PMEPA1: variants seen among roughly 807,000 people sequenced by gnomAD.
The protein encoded by PMEPA1 is prostate transmembrane protein, androgen induced 1.
A neutral mutation model predicts 23.0 loss-of-function variants in PMEPA1; 11 were observed. That is an observed-to-expected ratio of 0.48 (90% CI 0.30 to 0.79). The LOEUF (loss-of-function observed/expected upper bound fraction) is 0.79. Ranked by LOEUF, PMEPA1 falls within the 30% of genes least tolerant of loss-of-function variation. The probability of loss-of-function intolerance (pLI) is 0.06; values close to 1 mark genes in which losing one functional copy is unlikely to be tolerated. For synonymous variants in PMEPA1, 204 were observed against 166.4 expected (o/e 1.23, Z -1.74); for missense variants, 377 against 390.9 (o/e 0.96, Z 0.30).
At chr20:57,687,960 C>T (rs1228239186) in intron 1 of PMEPA1, among the ~76,000 whole-genome samples, 1 of 152,194 alleles carries the variant, frequency 6.6e-6, no homozygotes, top group South Asian at 2.1e-4. Context: ...CTAGATCGGG[C>T]CCTGACATTG....
intron 1 of PMEPA1, among the ~76,000 whole-genome samples, chr20:57,697,299 A>G (rs1160300591): frequency 2.0e-5 from 3 of 152,220 alleles, no homozygotes; most frequent in African/African-American, 7.2e-5. Flanking sequence ...CCCGACTGGG[A>G]GCAGACACTG....
At chr20:57,699,902 C>T (rs1016539317) in intron 1 of PMEPA1, 10 of 394,944 alleles carry the variant, frequency 2.5e-5, no homozygotes, top group Admixed American at 1.1e-4. Context: ...CTCCCGGCCT[C>T]GGCGGTTGGA....
At chr20:57,707,453 C>T (rs914175533) in intron 1 of PMEPA1, among the ~76,000 whole-genome samples, 3 of 152,200 alleles carry the variant, frequency 2.0e-5, no homozygotes, top group African/African-American at 7.2e-5. Context: ...CTAACTGGGG[C>T]ACCCAGGGGC....
rs2072046556 is a variant in PMEPA1 at position 57,704,147 on chromosome 20, T to C, written c.109+5327A>G. Among the ~76,000 whole-genome samples the C allele has an allele frequency of 6.6e-6, 1 of 152,186 alleles. No homozygotes were observed. The highest frequency in any genetic ancestry group is 1.5e-5 in the Non-Finnish European group (1 of 68,036). On this transcript the variant is annotated intron_variant, in intron 1 of 3. Coordinates refer to ENST00000341744, the MANE Select transcript of PMEPA1 (RefSeq NM_020182.5). This position sits in a 1 kb window ranked among gnomAD's most constrained non-coding sequence, Gnocchi z 4.6. Reference sequence around the variant, plus strand: ...GCCAGCACTTAAAACCCAGGAGTTTTATGTCAAAATCTAACCATTCGGCTG... The same window carrying C: ...GCCAGCACTTAAAACCCAGGAGTTTCATGTCAAAATCTAACCATTCGGCTG...
chr20:57,671,213 G>A (rs890625288), intron 1 of PMEPA1, among the ~76,000 whole-genome samples: 4 of 152,210 alleles, frequency 2.6e-5, no homozygotes, highest in Non-Finnish European at 4.4e-5. Flanking sequence ...ATCAGTCACC[G>A]TTTGAATTAT....
rs543314950 is a variant in PMEPA1, at chr20:57,657,095, GCAGGATCCCAGGTGCCGTCTCCT to G, written c.264+2425_264+2447del. ...GACGGAATCCTACCCCTTCCTGGCA[GCAGGATCCCAGGTGCCGTCTCCT>G]GCTCCACAACAGTGAAGCCCCTGCA... On this transcript the variant is annotated intron_variant, in intron 2 of 3. Transcript: ENST00000341744. 3.9e-5 allele frequency among the ~76,000 whole-genome samples: 6 copies of G among 152,300 alleles called. No individual in the cohort carries two copies. The East Asian group carries it at 1.2e-3, about 29-fold the overall frequency.
chr20:57,688,880 C>A (rs1246585804), intron 1 of PMEPA1, among the ~76,000 whole-genome samples: 1 of 152,154 alleles, frequency 6.6e-6, no homozygotes, highest in Non-Finnish European at 1.5e-5. Flanking sequence ...TACGAGGCAC[C>A]CAGGCATGGT....
chr20:57,669,934 T>C (rs1005370092), intron 1 of PMEPA1, among the ~76,000 whole-genome samples: 1 of 152,068 alleles, frequency 6.6e-6, no homozygotes, highest in South Asian at 2.1e-4. Flanking sequence ...GCTGCTCCCA[T>C]AACGAGGCTT....
At position 57,652,141 on chromosome 20, in the gene PMEPA1, G is replaced by C. The variant is rs759744822; in HGVS notation, c.776C>G (p.Thr259Ser). ...SSGPPSLLEG[T>S]RLHHTHIAPL... ...CGCGATGTGTGTGTGGTGGAGCCGG[G>C]TCCCCTCCAGCAAGGAGGGCGGCCC... The change falls in exon 4 of 4, where the codon ACC becomes AGC. Residue 259 changes from threonine (T) to serine (S), a missense_variant. Physicochemically the swap from Thr to Ser is moderately conservative, Grantham distance 58 (BLOSUM62 1). This residue lies in a region of PMEPA1 where 176 missense variants were observed against 173.0 expected (regional missense o/e 1.02). Coordinates refer to ENST00000341744, the MANE Select transcript of PMEPA1 (RefSeq NM_020182.5). This position sits in a 1 kb window ranked among gnomAD's most constrained non-coding sequence, Gnocchi z 6.1. 1.3e-6 allele frequency: 2 copies of C among 1,597,794 alleles called. No individual in the cohort carries two copies. Among genetic ancestry groups the C allele is most frequent in the South Asian group, 2.2e-5 (2 of 89,014 alleles).
chr20:57,667,198 G>C (rs1224559531), intron 1 of PMEPA1, among the ~76,000 whole-genome samples: 1 of 152,144 alleles, frequency 6.6e-6, no homozygotes, highest in Middle Eastern at 3.2e-3. Flanking sequence ...GCTCAGGTAA[G>C]GCAAAGACAC....
In PMEPA1 at chr20:57,655,864, G is replaced by C. The variant is rs1227461929; in HGVS notation, c.265-2778C>G. On this transcript the variant is annotated intron_variant, in intron 2 of 3. Transcript: ENST00000341744. The surrounding 1 kb of genome is among the most constrained non-coding windows in gnomAD (Gnocchi z 4.2). ...ATATTTTCTGGTTTGTGGGCCGGCG[G>C]GTCTCTGTCATACCACTGAACCCTG... Among the ~76,000 whole-genome samples the C allele has an allele frequency of 6.6e-6, 1 of 152,170 alleles. No homozygotes were observed. Among genetic ancestry groups the C allele is most frequent in the Non-Finnish European group, 1.5e-5 (1 of 68,034 alleles).
At chr20:57,705,145 G>A (rs2072062661) in intron 1 of PMEPA1, among the ~76,000 whole-genome samples, 1 of 152,106 alleles carries the variant, frequency 6.6e-6, no homozygotes, top group African/African-American at 2.4e-5. Context: ...GCGTGTGTGT[G>A]TCTGCACGTG....
chr20:57,709,315 A>G (rs1424229857), intron 1 of PMEPA1, among the ~76,000 whole-genome samples, 159 bp downstream of exon 1: 1 of 145,420 alleles, frequency 6.9e-6, no homozygotes, highest in African/African-American at 2.5e-5. Context: ...AGCTGCCGCG[A>G]GCCGGGAGGG....
rs1377729692 is a variant in PMEPA1, at chr20:57,648,924, C to T, written c.*3129G>A. On this transcript the variant is annotated 3_prime_UTR_variant, in exon 4 of 4. Transcript: ENST00000341744. ...TCTCCCCCAGCCCTGATTTTTGCTA[C>T]ATATGGGGTCCCTTTTCATTCTTTG... 7 of 152,178 alleles carry T rather than the reference C, an allele frequency of 4.6e-5. No homozygotes were observed. Among genetic ancestry groups the T allele is most frequent in the Admixed American group, 4.6e-4 (7 of 15,286 alleles). The allele number at this position is 152,178 out of a possible 1,614,324, so 9.4% of individuals were successfully genotyped here.
chr20:57,672,098 C>T (rs900597196), intron 1 of PMEPA1, among the ~76,000 whole-genome samples: 1 of 152,218 alleles, frequency 6.6e-6, no homozygotes, highest in Admixed American at 6.5e-5. Flanking sequence ...AGGGGCTATC[C>T]CTTTTACTTT....
intron 1 of PMEPA1, among the ~76,000 whole-genome samples, chr20:57,703,066 G>A (rs1159718901): frequency 6.6e-6 from 1 of 152,238 alleles, no homozygotes; most frequent in Non-Finnish European, 1.5e-5. Context: ...AGACCCCTGA[G>A]GTGTCAAGGT....
At chr20:57,710,668 G>A (rs1236305112), upstream of PMEPA1, 2 of 532,586 alleles carry the variant, frequency 3.8e-6, no homozygotes, top group Admixed American at 7.2e-5. Context: ...GGCGGGACCT[G>A]GGGCGAATCC....
Position 57,709,454 on chromosome 20 carries a change from G to C in PMEPA1, c.109+20C>G, listed in dbSNP as rs185137912. 1.4e-3 allele frequency: 1,567 copies of C among 1,099,604 alleles called. 3 individuals carry two copies. Among genetic ancestry groups the C allele is most frequent in the Admixed American group, 6.3e-3 (157 of 25,050 alleles). The allele number at this position is 1,099,604 out of a possible 1,614,324, so 68.1% of individuals were successfully genotyped here. On this transcript the variant is annotated intron_variant, in intron 1 of 3. Transcript: ENST00000341744. ...CGAGCCCGATGGAGTCTCCGGGGAG[G>C]GGGGCGTGGGGTCACTCACTGATCT...
chr20:57,668,892 G>A (rs1232961137), intron 1 of PMEPA1, among the ~76,000 whole-genome samples: 6 of 152,120 alleles, frequency 3.9e-5, no homozygotes, highest in Admixed American at 2.6e-4. Flanking sequence ...CCGGCCCCCA[G>A]GTCCCTGCCT....
Sources: allele counts gnomAD v4.1 joint callset (sites outside exome capture counted in the v4.1 genomes callset), GRCh38; gene constraint gnomAD v4.1.1; regional missense constraint gnomAD v4.1.1; non-coding constraint Gnocchi (gnomAD v3.1); transcripts MANE v1.5; gene names NCBI Gene and HGNC (gene_info 2026-07-23, HGNC 2026-07-21).